Variants in TAFA2 observed in about 807,000 individuals in gnomAD.
TAFA2 encodes the protein TAFA chemokine like family member 2.
TAFA2 carries 7 observed loss-of-function variants against 18.8 expected under a neutral mutation model. The observed-to-expected ratio is 0.37, with a 90% CI of 0.21 to 0.70. The LOEUF (loss-of-function observed/expected upper bound fraction) is 0.70, where lower values mean the gene tolerates loss of function less well. Among genes scored for constraint, TAFA2 ranks in the 30% least tolerant of loss-of-function variants. The pLI is 0.53. For synonymous variants in TAFA2, 60 were observed against 54.2 expected (o/e 1.11, Z -0.47); for missense variants, 122 against 158.1 (o/e 0.77, Z 1.23).
intron 1 of TAFA2, among the ~76,000 whole-genome samples, chr12:61,873,990 GTGTTA>G (rs1373931713): frequency 1.3e-5 from 2 of 152,076 alleles, no homozygotes; most frequent in African/African-American, 4.8e-5. Context: ...TGTATGTTGT[GTGTTA>G]TATCATCCAG....
intron 2 of TAFA2, among the ~76,000 whole-genome samples, chr12:61,859,847 A>G (rs1286287319): frequency 6.6e-6 from 1 of 152,206 alleles, no homozygotes; most frequent in Non-Finnish European, 1.5e-5. Context: ...ACGACATTCT[A>G]ATTACTGTCC....
intron 1 of TAFA2, among the ~76,000 whole-genome samples, chr12:61,961,734 A>G (rs1878893001): frequency 6.6e-6 from 1 of 151,982 alleles, no homozygotes; most frequent in Non-Finnish European, 1.5e-5. Flanking sequence ...TAATATTTCA[A>G]GTTCTCCATG....
intron 1 of TAFA2, among the ~76,000 whole-genome samples, chr12:61,994,604 T>C (rs1880121336): frequency 6.6e-6 from 1 of 152,184 alleles, no homozygotes; most frequent in Non-Finnish European, 1.5e-5. Flanking sequence ...ATTCTAATCA[T>C]ATTTCTAATC....
At chr12:62,253,029 A>G (rs544564320) in intron 1 of TAFA2, 2 of 152,338 alleles carry the variant, frequency 1.3e-5, no homozygotes, top group South Asian at 2.1e-4. Context: ...GGATGATTCT[A>G]TATCAAGGGC....
chr12:62,208,076 G>A (rs535912383), intron 1 of TAFA2, among the ~76,000 whole-genome samples: 5 of 152,234 alleles, frequency 3.3e-5, no homozygotes, highest in Admixed American at 1.3e-4. Flanking sequence ...ACCAGAACAA[G>A]AAAGAGTCCA....
chr12:61,931,744 T>C (rs1877563390), intron 1 of TAFA2, among the ~76,000 whole-genome samples: 1 of 152,202 alleles, frequency 6.6e-6, no homozygotes, highest in Non-Finnish European at 1.5e-5. Flanking sequence ...TTTTAAAATG[T>C]GCTGTGGGCT....
chr12:62,196,120 C>A (rs2062648164), upstream of TAFA2, among the ~76,000 whole-genome samples: 1 of 152,166 alleles, frequency 6.6e-6, no homozygotes, highest in South Asian at 2.1e-4. Context: ...ATGAACCAAC[C>A]TCTGCTAGTT....
At chr12:61,796,590 G>A (rs1871199514) in intron 2 of TAFA2, among the ~76,000 whole-genome samples, 1 of 151,968 alleles carries the variant, frequency 6.6e-6, no homozygotes, top group African/African-American at 2.4e-5. Context: ...AGAAAACAAG[G>A]AGAAAAAGTT....
chr12:61,971,851 A>G lies in TAFA2; in HGVS notation c.-1-104425T>C, dbSNP rs531943523. 2.0e-5 allele frequency among the ~76,000 whole-genome samples: 3 copies of G among 152,036 alleles called. No individual in the cohort carries two copies. The South Asian group carries it at 6.2e-4, about 31-fold the overall frequency. On this transcript the variant is annotated intron_variant, in intron 1 of 4. Transcript: ENST00000416284. Reference sequence around the variant, plus strand: ...ACAAACTTGCACGTTGTGCACATGTACCCTAGAACTTAAAGTATAAAAGAA... The same window carrying G: ...ACAAACTTGCACGTTGTGCACATGTGCCCTAGAACTTAAAGTATAAAAGAA...
At chr12:61,801,281 G>C (rs1052112893) in intron 2 of TAFA2, among the ~76,000 whole-genome samples, 1 of 151,980 alleles carries the variant, frequency 6.6e-6, no homozygotes, top group Non-Finnish European at 1.5e-5. Flanking sequence ...TCTAAAATTT[G>C]TATGGAACCA....
intron 1 of TAFA2, among the ~76,000 whole-genome samples, chr12:62,047,278 A>C (rs1881934874): frequency 6.6e-6 from 1 of 152,120 alleles, no homozygotes; most frequent in African/African-American, 2.4e-5. Context: ...GAAAGCCTGG[A>C]GTTTAGGCCC....
At chr12:61,925,177 C>G (rs554901649) in intron 1 of TAFA2, among the ~76,000 whole-genome samples, 4 of 152,238 alleles carry the variant, frequency 2.6e-5, no homozygotes, top group Admixed American at 6.5e-5. Context: ...GACAGATCAA[C>G]AAGATGTAAA....
At chr12:61,822,134 G>T (rs1339733533) in intron 2 of TAFA2, among the ~76,000 whole-genome samples, 1 of 151,980 alleles carries the variant, frequency 6.6e-6, no homozygotes, top group Non-Finnish European at 1.5e-5. Flanking sequence ...TACATTAAAA[G>T]ATACAATTAA....
chr12:62,217,659 T>C (rs921023164), intron 1 of TAFA2, among the ~76,000 whole-genome samples: 1 of 152,196 alleles, frequency 6.6e-6, no homozygotes, highest in Non-Finnish European at 1.5e-5. Flanking sequence ...TGAAGGGCCA[T>C]ACCTGTTCCA....
At chr12:61,711,460 A>G (rs970146388) in intron 4 of TAFA2, among the ~76,000 whole-genome samples, 1 of 152,078 alleles carries the variant, frequency 6.6e-6, no homozygotes, top group East Asian at 1.9e-4. Flanking sequence ...CTAAAACAAA[A>G]AGTGATTTTA....
intron 4 of TAFA2, among the ~76,000 whole-genome samples, chr12:61,737,668 T>G (rs759512751): frequency 1.3e-5 from 2 of 151,940 alleles, no homozygotes; most frequent in Admixed American, 6.6e-5. Context: ...TTAAGTGCAA[T>G]TATGCCTCCA....
At chr12:61,747,389 C>T (rs1188795149) in intron 4 of TAFA2, among the ~76,000 whole-genome samples, 1 of 146,854 alleles carries the variant, frequency 6.8e-6, no homozygotes, top group Non-Finnish European at 1.5e-5. Context: ...GATTATAAAT[C>T]ATGCTGCTAT....
At chr12:61,756,061 G>A (rs1445391362) in intron 2 of TAFA2, among the ~76,000 whole-genome samples, 1 of 152,064 alleles carries the variant, frequency 6.6e-6, no homozygotes, top group Non-Finnish European at 1.5e-5. Flanking sequence ...CATTGCAAAT[G>A]AGATCGGCAC....
intron 1 of TAFA2, among the ~76,000 whole-genome samples, chr12:62,176,455 GTTTTC>G (rs1565770788): frequency 6.6e-6 from 1 of 151,684 alleles, no homozygotes; most frequent in African/African-American, 2.4e-5. Flanking sequence ...CCCAAGAGAG[GTTTTC>G]AGAAGGTAAA....
Sources: gnomAD v4.1 joint callset for allele counts (sites outside exome capture counted in the v4.1 genomes callset) on GRCh38, gnomAD v4.1.1 for gene constraint, MANE v1.5 for transcripts, NCBI Gene and HGNC (gene_info 2026-07-23, HGNC 2026-07-21) for gene names.